The following SYCP1 variants were observed in gnomAD, a reference collection of about 807,000 sequenced individuals.
The protein encoded by SYCP1 is synaptonemal complex protein 1.
Under a neutral mutation model 153.1 loss-of-function variants are expected in SYCP1, and 64 were observed. The observed-to-expected ratio is 0.42, with a 90% CI of 0.34 to 0.51. The LOEUF (loss-of-function observed/expected upper bound fraction) is 0.51. Among genes scored for constraint, SYCP1 ranks in the 20% least tolerant of loss-of-function variants. The pLI, the probability that SYCP1 is intolerant of heterozygous loss-of-function variation, is 0.06. For synonymous variants in SYCP1, 384 were observed against 341.8 expected (o/e 1.12, Z -1.36); for missense variants, 997 against 1,049.0 (o/e 0.95, Z 0.68).
intron 16 of SYCP1, among the ~76,000 whole-genome samples, chr1:114,899,429 C>T (rs1667272292): frequency 1.3e-5 from 2 of 152,154 alleles, no homozygotes; most frequent in Non-Finnish European, 2.9e-5. Context: ...TATTCATGAA[C>T]ATTTTAGCTC....
chr1:114,923,875 T>C (rs1374849811), intron 21 of SYCP1, among the ~76,000 whole-genome samples: 2 of 152,270 alleles, frequency 1.3e-5, no homozygotes, highest in African/African-American at 4.8e-5. Flanking sequence ...TTGGTGAATA[T>C]GATATCAAAT....
At chr1:114,894,276 C>T (rs1043020821) in intron 15 of SYCP1, among the ~76,000 whole-genome samples, 9 of 151,934 alleles carry the variant, frequency 5.9e-5, no homozygotes, top group African/African-American at 1.9e-4. Context: ...AGACTGTGGA[C>T]AATTATTACA....
chr1:114,955,296 A>T (rs1487945217), intron 27 of SYCP1, among the ~76,000 whole-genome samples: 1 of 152,158 alleles, frequency 6.6e-6, no homozygotes, highest in East Asian at 1.9e-4. Context: ...AGAGAGAGAG[A>T]GAGGGCACTT....
intron 20 of SYCP1, among the ~76,000 whole-genome samples, chr1:114,914,940 C>T (rs1299696420): frequency 6.6e-6 from 1 of 152,100 alleles, no homozygotes; most frequent in African/African-American, 2.4e-5. Flanking sequence ...CATGCACACA[C>T]ACAGCATCCA....
At chr1:114,860,948 A>C (rs1290284355) in intron 8 of SYCP1, 139 bp downstream of exon 8, 9 of 609,474 alleles carry the variant, frequency 1.5e-5, no homozygotes, top group Non-Finnish European at 2.5e-5. Flanking sequence ...ATTTTTATAT[A>C]AGTAATAAGG....
At chr1:114,988,383 G>C (rs538306387) in intron 30 of SYCP1, among the ~76,000 whole-genome samples, 1 of 151,994 alleles carries the variant, frequency 6.6e-6, no homozygotes, top group African/African-American at 2.4e-5. Context: ...CAAACTGTTG[G>C]GAGAAAAAAT....
chr1:114,869,904 G>A (rs1324059260), intron 8 of SYCP1, among the ~76,000 whole-genome samples: 1 of 151,982 alleles, frequency 6.6e-6, no homozygotes, highest in East Asian at 1.9e-4. Flanking sequence ...TTCTCTTTGC[G>A]GTTCTACCAG....
intron 27 of SYCP1, among the ~76,000 whole-genome samples, chr1:114,950,918 G>A (rs1434203651): frequency 6.6e-6 from 1 of 150,936 alleles, no homozygotes. Context: ...TCCACCTCCC[G>A]GGTTCACGCC....
intron 1 of SYCP1, 52 bp from the exon 2 acceptor site, chr1:114,855,389 A>C (rs1442962266): frequency 6.4e-6 from 7 of 1,087,544 alleles, no homozygotes; most frequent in Non-Finnish European, 9.6e-6. Context: ...TGTATTCATG[A>C]CACTCGGTGA....
At chr1:114,908,972 T>C (rs1490902148) in intron 16 of SYCP1, among the ~76,000 whole-genome samples, 1 of 152,220 alleles carries the variant, frequency 6.6e-6, no homozygotes, top group Non-Finnish European at 1.5e-5. Flanking sequence ...ATAATGTAAA[T>C]GTTTTTGTTT....
At chr1:114,855,418 C>T (rs1216732760) in intron 1 of SYCP1, 23 bp from the exon 2 acceptor site, 3 of 1,377,964 alleles carry the variant, frequency 2.2e-6, no homozygotes, top group Non-Finnish European at 2.9e-6. Flanking sequence ...TTTCCTTCCC[C>T]TCCCGCCCCC....
At chr1:114,986,671 A>G (rs1673525869) in intron 30 of SYCP1, among the ~76,000 whole-genome samples, 1 of 152,080 alleles carries the variant, frequency 6.6e-6, no homozygotes, top group African/African-American at 2.4e-5. Context: ...TTCAAATTAT[A>G]AAAATTAAGA....
chr1:114,938,921 G>T (rs1053591380), intron 23 of SYCP1, among the ~76,000 whole-genome samples: 1 of 152,130 alleles, frequency 6.6e-6, no homozygotes, highest in African/African-American at 2.4e-5. Flanking sequence ...ATGTTAATGA[G>T]GTTGTGGAGA....
intron 28 of SYCP1, 61 bp from the exon 29 acceptor site, chr1:114,981,271 TAAAG>T: frequency 7.7e-7 from 1 of 1,294,734 alleles, no homozygotes; most frequent in South Asian, 1.5e-5. Flanking sequence ...GCACTTTAAT[TAAAG>T]AAATAAATAA....
At chr1:114,874,595 A>G (rs2101453105) in intron 9 of SYCP1, 31 bp downstream of exon 9, 1 of 1,438,876 alleles carries the variant, frequency 6.9e-7, no homozygotes, top group East Asian at 2.3e-5. Context: ...AGTATTTTAA[A>G]CATAGGAATT....
chr1:114,901,882 G>T (rs1239247240), intron 16 of SYCP1, among the ~76,000 whole-genome samples: 3 of 152,264 alleles, frequency 2.0e-5, no homozygotes, highest in Non-Finnish European at 2.9e-5. Context: ...CAGCTTAGAT[G>T]CTGGGCTGTG....
At chr1:114,857,805 CTGGTTT>C (rs1336784968) in intron 5 of SYCP1, among the ~76,000 whole-genome samples, 1 of 151,880 alleles carries the variant, frequency 6.6e-6, no homozygotes, top group Non-Finnish European at 1.5e-5. Context: ...GACTGGTTGA[CTGGTTT>C]ATTGTATAAG....
chr1:114,994,739 G>C lies in SYCP1; in HGVS notation c.2745G>C (p.Arg915Ser). ...SEEETLKTLYRNNNPPASHLC... is the reference protein window; with the variant it reads ...SEEETLKTLYSNNNPPASHLC... Reference sequence around the variant, plus strand: ...AAGAGACATTGAAAACACTGTATAGGAACAATAATCCACCAGCTTCTCATC... The same window carrying C: ...AAGAGACATTGAAAACACTGTATAGCAACAATAATCCACCAGCTTCTCATC... Residue 915 changes from arginine (R) to serine (S), a missense_variant, in exon 31 of 32, where the codon AGG becomes AGC. Transcript: ENST00000369522. The C allele has an allele frequency of 6.3e-7, 1 of 1,591,044 alleles. No homozygotes were observed. Among genetic ancestry groups the C allele is most frequent in the Non-Finnish European group, 8.5e-7 (1 of 1,172,550 alleles).
At chr1:114,866,902 C>CT (rs36051645) in intron 8 of SYCP1, among the ~76,000 whole-genome samples, 15,055 of 139,596 alleles carry the variant, frequency 0.11, 882 homozygotes, top group South Asian at 0.18. Flanking sequence ...TGTCCAGATT[C>CT]TTTTTTTTTT....
Sources: allele counts gnomAD v4.1 joint callset (sites outside exome capture counted in the v4.1 genomes callset), GRCh38; gene constraint gnomAD v4.1.1; transcripts MANE v1.5; gene names NCBI Gene and HGNC (gene_info 2026-07-23, HGNC 2026-07-21).